The following HSPA1A variants were observed in gnomAD, a reference collection of about 807,000 sequenced individuals.
HSPA1A encodes heat shock protein family A (Hsp70) member 1A.
Under a neutral mutation model 8.8 loss-of-function variants are expected in HSPA1A, and 5 were observed. The ratio of observed to expected loss-of-function variants is 0.57; its 90% CI spans 0.30 to 1.19. The LOEUF is 1.19. HSPA1A is among the 50% of genes most tolerant of loss of function. HSPA1A has a pLI of 0.08. For missense variants in HSPA1A, 207 were observed against 430.7 expected (o/e 0.48, Z 4.60); for synonymous variants, 112 against 188.4 (o/e 0.59, Z 3.32).
At position 31,815,578 on chromosome 6, in the gene HSPA1A, T is replaced by C. The variant is rs1036650985; in HGVS notation, c.-179T>C. ...CTGAGGAGCTGCTGCGACAGTCCAC[T>C]ACCTTTTTCGAGAGTGACTCCCGTT... On this transcript the variant is annotated 5_prime_UTR_variant, in exon 1 of 1. Coordinates refer to ENST00000375651, the MANE Select transcript of HSPA1A (RefSeq NM_005345.6). The C allele has an allele frequency of 1.6e-5, 24 of 1,460,146 alleles. No homozygotes were observed. In the South Asian group the frequency reaches 2.1e-4, roughly 13 times the overall value. The allele number at this position is 1,460,146 out of a possible 1,614,324, so 90.4% of individuals were successfully genotyped here.
In HSPA1A at chr6:31,817,463, G is replaced by A. The variant is rs745755836; in HGVS notation, c.1707G>A (p.Lys569=). The A allele has an allele frequency of 1.9e-6, 3 of 1,612,722 alleles. No homozygotes were observed. The highest frequency in any genetic ancestry group is 1.7e-6 in the Non-Finnish European group (2 of 1,179,910). ...AGATCAGCGAGGCGGACAAGAAGAA[G>A]GTGCTGGACAAGTGTCAAGAGGTCA... is the stretch of plus-strand genomic sequence containing the variant. ...KGKISEADKK[K]VLDKCQEVIS... The change falls in exon 1 of 1, where the codon AAG becomes AAA. Residue 569 remains lysine, a synonymous_variant. Transcript: ENST00000375651.
chr6:31,817,660 C>G lies in HSPA1A; in HGVS notation c.1904C>G (p.Pro635Arg). The change falls in exon 1 of 1, where the codon CCC becomes CGC. Residue 635 changes from proline to arginine, a missense_variant. Coordinates refer to ENST00000375651, the MANE Select transcript of HSPA1A (RefSeq NM_005345.6). ...CCCAAGGGAGGGTCTGGGTCAGGCCCCACCATTGAGGAGGTAGATTAGGGG... is the reference window on the plus strand; with the variant it reads ...CCCAAGGGAGGGTCTGGGTCAGGCCGCACCATTGAGGAGGTAGATTAGGGG... ...QGPKGGSGSG[P>R]TIEEVD 1 of 1,612,678 alleles carries G rather than the reference C, an allele frequency of 6.2e-7. No homozygotes were observed. Among genetic ancestry groups the G allele is most frequent in the Non-Finnish European group, 8.5e-7 (1 of 1,179,932 alleles).
chr6:31,817,863 C>G lies in HSPA1A; in HGVS notation c.*181C>G. On this transcript the variant is annotated 3_prime_UTR_variant, in exon 1 of 1. Coordinates refer to ENST00000375651, the MANE Select transcript of HSPA1A (RefSeq NM_005345.6). ...ATGAATTTATACTGCCATCTTACGA[C>G]TATTTCTTCTTTTTAATACACTTAA... 6.9e-7 allele frequency: 1 copy of G among 1,441,564 alleles called. No homozygotes were observed. Among genetic ancestry groups the G allele is most frequent in the Non-Finnish European group, 9.1e-7 (1 of 1,096,758 alleles). 89.3% of individuals were successfully genotyped at this position (1,441,564 alleles called of 1,614,324 possible).
Position 31,817,916 on chromosome 6 carries a change from TCAAAG to T in HSPA1A, c.*235_*239del. On this transcript the variant is annotated 3_prime_UTR_variant, in exon 1 of 1. Transcript: ENST00000375651. ...CAGGCCATTTTTTAAGTTGGTTACT[TCAAAG>T]TAAATAAACTTTAAAATTCAAGTGA... 1 of 1,421,124 alleles carries T rather than the reference TCAAAG, an allele frequency of 7.0e-7. No homozygotes were observed. The highest frequency in any genetic ancestry group is 9.2e-7 in the Non-Finnish European group (1 of 1,087,738). The allele number at this position is 1,421,124 out of a possible 1,614,324, so 88.0% of individuals were successfully genotyped here. A position where few individuals can be genotyped will look rare whatever the true frequency, so the allele number is the denominator to read the frequency against.
At position 31,817,636 on chromosome 6, in the gene HSPA1A, C is replaced by A. The variant is rs1816030246; in HGVS notation, c.1880C>A (p.Pro627His). 13 of 1,612,690 alleles carry A rather than the reference C, an allele frequency of 8.1e-6. No individual in the cohort carries two copies. Among genetic ancestry groups the A allele is most frequent in the Non-Finnish European group, 1.1e-5 (13 of 1,179,990 alleles). The part of the protein sequence containing the change: ...PGPGGFGAQG[P>H]KGGSGSGPTI... ...CCTGGGGGCTTCGGGGCTCAGGGTC[C>A]CAAGGGAGGGTCTGGGTCAGGCCCC... Residue 627 changes from proline to histidine, a missense_variant, in exon 1 of 1, where the codon CCC becomes CAC. Coordinates refer to ENST00000375651, the MANE Select transcript of HSPA1A (RefSeq NM_005345.6).
In HSPA1A at chr6:31,816,575, C is replaced by G. The variant is rs1482519340; in HGVS notation, c.819C>G (p.Thr273=). The G allele has an allele frequency of 2.3e-4, 5 of 22,212 alleles. No individual in the cohort carries two copies. The highest frequency in any genetic ancestry group is 8.9e-4 in the South Asian group (3 of 3,360). 1.4% of individuals were successfully genotyped at this position (22,212 alleles called of 1,614,324 possible). ...LRTACERAKR[T]LSSSTQASLE... Reference sequence around the variant, plus strand: ...CCGCCTGCGAGAGGGCCAAGAGGACCCTGTCGTCCAGCACCCAGGCCAGCC... The same window carrying G: ...CCGCCTGCGAGAGGGCCAAGAGGACGCTGTCGTCCAGCACCCAGGCCAGCC... Residue 273 remains threonine, a synonymous_variant, in exon 1 of 1, where the codon ACC becomes ACG. Transcript: ENST00000375651.
chr6:31,817,321 C>A lies in HSPA1A; in HGVS notation c.1565C>A (p.Ala522Glu). ...GAGATCGAGCGCATGGTGCAGGAGG[C>A]GGAGAAGTACAAAGCGGAGGACGAG... ...KEEIERMVQEAEKYKAEDEVQ... is the reference protein window; with the variant it reads ...KEEIERMVQEEEKYKAEDEVQ... Residue 522 changes from alanine (A) to glutamate (E), a missense_variant, in exon 1 of 1, where the codon GCG becomes GAG. By Grantham distance (107) the Ala-to-Glu change is moderately radical. Around this residue, in one of 5 missense-constraint regions of HSPA1A, gnomAD observed 6 missense variants for 109.6 expected, o/e 0.05. Transcript: ENST00000375651. 2 of 1,555,514 alleles carry A rather than the reference C, an allele frequency of 1.3e-6. No individual in the cohort carries two copies. The highest frequency in any genetic ancestry group is 8.7e-7 in the Non-Finnish European group (1 of 1,152,690).
In HSPA1A at chr6:31,815,731, G is replaced by A. The variant is rs373368529; in HGVS notation, c.-26G>A. ...GTTTCCAGCCCCCAATCTCAGAGCG[G>A]AGCCGACAGAGAGCAGGGAACCGGC... is the stretch of plus-strand genomic sequence containing the variant. On this transcript the variant is annotated 5_prime_UTR_variant, in exon 1 of 1. Transcript: ENST00000375651. The A allele has an allele frequency of 2.0e-5, 32 of 1,613,756 alleles. No individual in the cohort carries two copies. The African/African-American group carries it at 4.1e-4, about 21-fold the overall frequency.
rs1418439114 is a variant in HSPA1A, at chr6:31,817,595, T to G, written c.1839T>G (p.Gly613=). 5 of 1,612,566 alleles carry G rather than the reference T, an allele frequency of 3.1e-6. No homozygotes were observed. Among genetic ancestry groups the G allele is most frequent in the African/African-American group, 1.3e-5 (1 of 74,854 alleles). Reference sequence around the variant, plus strand: ...CCATCATCAGCGGACTGTACCAGGGTGCCGGTGGTCCCGGGCCTGGGGGCT... The same window carrying G: ...CCATCATCAGCGGACTGTACCAGGGGGCCGGTGGTCCCGGGCCTGGGGGCT... The part of the protein sequence containing the change: ...CNPIISGLYQ[G]AGGPGPGGFG... Residue 613 remains glycine, a synonymous_variant, in exon 1 of 1, where the codon GGT becomes GGG. Transcript: ENST00000375651.
chr6:31,815,686 T>A lies in HSPA1A; in HGVS notation c.-71T>A. On this transcript the variant is annotated 5_prime_UTR_variant, in exon 1 of 1. Coordinates refer to ENST00000375651, the MANE Select transcript of HSPA1A (RefSeq NM_005345.6). ...CCGGCGTCCGGAAGGACCGAGCTCT[T>A]CTCGCGGATCCAGTGTTCCGTTTCC... 1 of 1,613,392 alleles carries A rather than the reference T, an allele frequency of 6.2e-7. No individual in the cohort carries two copies. Among genetic ancestry groups the A allele is most frequent in the Non-Finnish European group, 8.5e-7 (1 of 1,179,982 alleles).
At position 31,815,553 on chromosome 6, in the gene HSPA1A, C is replaced by T. The variant is rs1461779882; in HGVS notation, c.-204C>T. The T allele has an allele frequency of 1.6e-6, 2 of 1,287,660 alleles. No homozygotes were observed. Among genetic ancestry groups the T allele is most frequent in the Non-Finnish European group, 2.2e-6 (2 of 922,092 alleles). 79.8% of individuals were successfully genotyped at this position (1,287,660 alleles called of 1,614,324 possible). A position where few individuals can be genotyped will look rare whatever the true frequency, so the allele number is the denominator to read the frequency against. ...GCAAGCGGTCCGGATAACGGCTAGC[C>T]TGAGGAGCTGCTGCGACAGTCCACT... On this transcript the variant is annotated 5_prime_UTR_variant, in exon 1 of 1. Transcript: ENST00000375651.
Position 31,815,919 on chromosome 6 carries a change from G to T in HSPA1A, c.163G>T (p.Ala55Ser), listed in dbSNP as rs1328718689. 6.3e-7 allele frequency: 1 copy of T among 1,583,300 alleles called. No homozygotes were observed. Among genetic ancestry groups the T allele is most frequent in the African/African-American group, 1.4e-5 (1 of 70,818 alleles). Residue 55 changes from alanine (A) to serine (S), a missense_variant, in exon 1 of 1, where the codon GCC becomes TCC. Physicochemically the swap from Ala to Ser is moderately conservative, Grantham distance 99. Transcript: ENST00000375651. The stretch of plus-strand genomic sequence containing the variant: ...CACCGAGCGGCTCATCGGGGATGCG[G>T]CCAAGAACCAGGTGGCGCTGAACCC... ...TDTERLIGDA[A>S]KNQVALNPQN...
Position 31,815,633 on chromosome 6 carries a change from C to T in HSPA1A, c.-124C>T, listed in dbSNP as rs1350685025. ...CAAGGCTTCCCAGAGCGAACCTGTG[C>T]GGCTGCAGGCACCGGCGCGTCGAGT... On this transcript the variant is annotated 5_prime_UTR_variant, in exon 1 of 1. Transcript: ENST00000375651. 8 of 1,607,616 alleles carry T rather than the reference C, an allele frequency of 5.0e-6. No homozygotes were observed. The highest frequency in any genetic ancestry group is 6.8e-6 in the Non-Finnish European group (8 of 1,177,016).
rs995250089 is a variant in HSPA1A at position 31,815,581 on chromosome 6, C to A, written c.-176C>A. 1 of 1,483,044 alleles carries A rather than the reference C, an allele frequency of 6.7e-7. No individual in the cohort carries two copies. Among genetic ancestry groups the A allele is most frequent in the Non-Finnish European group, 9.2e-7 (1 of 1,086,118 alleles). The allele number at this position is 1,483,044 out of a possible 1,614,324, so 91.9% of individuals were successfully genotyped here. On this transcript the variant is annotated 5_prime_UTR_variant, in exon 1 of 1. Coordinates refer to ENST00000375651, the MANE Select transcript of HSPA1A (RefSeq NM_005345.6). ...AGGAGCTGCTGCGACAGTCCACTAC[C>A]TTTTTCGAGAGTGACTCCCGTTGTC...
chr6:31,815,745 C>A lies in HSPA1A; in HGVS notation c.-12C>A, dbSNP rs1815905378. 1 of 1,613,878 alleles carries A rather than the reference C, an allele frequency of 6.2e-7. No homozygotes were observed. The highest frequency in any genetic ancestry group is 1.7e-5 in the Admixed American group (1 of 60,010). On this transcript the variant is annotated 5_prime_UTR_variant, in exon 1 of 1. Coordinates refer to ENST00000375651, the MANE Select transcript of HSPA1A (RefSeq NM_005345.6). ...ATCTCAGAGCGGAGCCGACAGAGAG[C>A]AGGGAACCGGCATGGCCAAAGCCGC... is the stretch of plus-strand genomic sequence containing the variant.
Position 31,815,991 on chromosome 6 carries a change from G to T in HSPA1A, c.235G>T (p.Gly79Cys). 7.2e-7 allele frequency: 1 copy of T among 1,379,922 alleles called. No homozygotes were observed. Among genetic ancestry groups the T allele is most frequent in the Non-Finnish European group, 9.7e-7 (1 of 1,032,336 alleles). The allele number at this position is 1,379,922 out of a possible 1,614,324, so 85.5% of individuals were successfully genotyped here. ...DAKRLIGRKF[G>C]DPVVQSDMKH... ...GAAGCGGCTGATTGGCCGCAAGTTC[G>T]GCGACCCGGTGGTGCAGTCGGACAT... Residue 79 changes from glycine (G) to cysteine (C), a missense_variant, in exon 1 of 1, where the codon GGC (glycine) becomes TGC (cysteine). Coordinates refer to ENST00000375651, the MANE Select transcript of HSPA1A (RefSeq NM_005345.6).
chr6:31,815,901 C>T lies in HSPA1A; in HGVS notation c.145C>T (p.Arg49Trp). ...CTACGTGGCCTTCACGGACACCGAG[C>T]GGCTCATCGGGGATGCGGCCAAGAA... ...PSYVAFTDTE[R>W]LIGDAAKNQV... is the part of the protein sequence containing the mutation. The change falls in exon 1 of 1, where the codon CGG (arginine) becomes TGG (tryptophan). Residue 49 changes from arginine to tryptophan, a missense_variant. Physicochemically the swap from Arg to Trp is moderately radical, Grantham distance 101 (BLOSUM62 -3). Transcript: ENST00000375651. The T allele has an allele frequency of 6.3e-7, 1 of 1,596,118 alleles. No homozygotes were observed. The highest frequency in any genetic ancestry group is 1.1e-5 in the South Asian group (1 of 90,226).
Position 31,817,550 on chromosome 6 carries a change from G to A in HSPA1A, c.1794G>A (p.Glu598=), listed in dbSNP as rs1562352410. Residue 598 remains glutamate, a synonymous_variant, in exon 1 of 1, where the codon GAG becomes GAA. Coordinates refer to ENST00000375651, the MANE Select transcript of HSPA1A (RefSeq NM_005345.6). ...ACGAGTTTGAGCACAAGAGGAAGGA[G>A]CTGGAGCAGGTGTGTAACCCCATCA... ...EKDEFEHKRK[E]LEQVCNPIIS... 3.7e-6 allele frequency: 6 copies of A among 1,612,714 alleles called. No individual in the cohort carries two copies. The highest frequency in any genetic ancestry group is 3.4e-4 in the Middle Eastern group (2 of 5,826).
chr6:31,815,775 A>G lies in HSPA1A; in HGVS notation c.19A>G (p.Ile7Val). Residue 7 changes from isoleucine to valine, a missense_variant, in exon 1 of 1, where the codon ATC becomes GTC. Physicochemically the swap from Ile to Val is conservative, Grantham distance 29. This residue lies in a region of HSPA1A where 129 missense variants were observed against 173.1 expected (regional missense o/e 0.75). Coordinates refer to ENST00000375651, the MANE Select transcript of HSPA1A (RefSeq NM_005345.6). Reference sequence around the variant, plus strand: ...AACCGGCATGGCCAAAGCCGCGGCGATCGGCATCGACCTGGGCACCACCTA... The same window carrying G: ...AACCGGCATGGCCAAAGCCGCGGCGGTCGGCATCGACCTGGGCACCACCTA... MAKAAA[I>V]GIDLGTTYSC... 1.2e-6 allele frequency: 2 copies of G among 1,613,800 alleles called. No homozygotes were observed. Among genetic ancestry groups the G allele is most frequent in the Non-Finnish European group, 1.7e-6 (2 of 1,179,998 alleles).
Sources: gnomAD v4.1 joint callset for allele counts on GRCh38, gnomAD v4.1.1 for gene constraint, gnomAD v4.1.1 regional missense constraint, MANE v1.5 for transcripts, NCBI Gene and HGNC (gene_info 2026-07-23, HGNC 2026-07-21) for gene names.